TENM1: variants seen among roughly 807,000 people sequenced by gnomAD.
The protein encoded by TENM1 is teneurin transmembrane protein 1, also known as teneurin-1.
In TENM1, 35 loss-of-function variants were observed where a neutral mutation model predicts 174.8. The ratio of observed to expected loss-of-function variants is 0.20; its 90% CI spans 0.15 to 0.27. TENM1 has a LOEUF of 0.27. TENM1 is among the 10% of genes least tolerant of loss of function. The probability of loss-of-function intolerance (pLI) is 1.00; values close to 1 mark genes in which losing one functional copy is unlikely to be tolerated. For synonymous variants in TENM1, 781 were observed against 798.7 expected (o/e 0.98, Z 0.37); for missense variants, 1,633 against 2,130.1 (o/e 0.77, Z 4.59).
At chrX:124,380,244 A>G (rs2060141458) in exon 32 of TENM1, 1 of 241,657 alleles carries the variant, frequency 4.1e-6, no homozygotes, top group Admixed American at 6.4e-5. Context: ...GAACATATGC[A>G]TGGCTCGGCA....
At chrX:124,894,762 T>C (rs1336379565) in intron 2 of TENM1, among the ~76,000 whole-genome samples, 3 of 111,564 alleles carry the variant, frequency 2.7e-5, no homozygotes, top group African/African-American at 9.8e-5. Flanking sequence ...ATTTTGATCA[T>C]TGTTTTTCCC....
chrX:125,021,703 G>T, the TENM1 span, among the ~76,000 whole-genome samples: 4 of 112,152 alleles, frequency 3.6e-5, no homozygotes, highest in Non-Finnish European at 5.6e-5. Flanking sequence ...GTAAATGAAC[G>T]AATGAATGTG....
chrX:124,441,130 G>T lies in TENM1; in HGVS notation c.4104+12207C>A, dbSNP rs774290402. 2.7e-5 allele frequency among the ~76,000 whole-genome samples: 3 copies of T among 111,979 alleles called. No individual in the cohort carries two copies. In the South Asian group the frequency reaches 1.1e-3, roughly 42 times the overall value. On this transcript the variant is annotated intron_variant, in intron 23 of 31. Transcript: ENST00000422452. ...TTTTATCCCACTTTTTATTGGTGGA[G>T]AAACTCAGGCTCAGAGATCTTAATT...
intron 3 of TENM1, among the ~76,000 whole-genome samples, chrX:124,824,756 C>G (rs1364939998): frequency 9.0e-6 from 1 of 111,692 alleles, no homozygotes; most frequent in Middle Eastern, 4.2e-3. Context: ...CTTACCATGT[C>G]CAGATAAAAT....
At chrX:125,027,545 C>T in the TENM1 span, among the ~76,000 whole-genome samples, 2,184 of 108,257 alleles carry the variant, frequency 0.02, 66 homozygotes, top group African/African-American at 0.068. Flanking sequence ...AAGCCCAAGT[C>T]AAAAGTTTGG....
intron 3 of TENM1, among the ~76,000 whole-genome samples, chrX:124,887,722 G>A (rs1365796604): frequency 9.0e-6 from 1 of 111,215 alleles, no homozygotes; most frequent in East Asian, 2.8e-4. Flanking sequence ...CACTTCCTCT[G>A]ATAGTGTAAC....
the TENM1 span, among the ~76,000 whole-genome samples, chrX:125,097,188 T>C: frequency 2.7e-5 from 3 of 111,810 alleles, no homozygotes; most frequent in Non-Finnish European, 3.8e-5. Flanking sequence ...TACTGAGTGA[T>C]GGTTGTGACC....
At chrX:125,078,259 T>G in the TENM1 span, among the ~76,000 whole-genome samples, 1 of 111,909 alleles carries the variant, frequency 8.9e-6, no homozygotes, top group Non-Finnish European at 1.9e-5. Flanking sequence ...ACATGGTTAC[T>G]GAAAAGTAGA....
At chrX:124,761,297 T>G (rs1173855239) in intron 3 of TENM1, among the ~76,000 whole-genome samples, 1 of 110,349 alleles carries the variant, frequency 9.1e-6, no homozygotes, top group Non-Finnish European at 1.9e-5. Flanking sequence ...CCAACCCAAA[T>G]GTCCATCAAT....
chrX:125,112,900 A>C, the TENM1 span, among the ~76,000 whole-genome samples: 1 of 111,079 alleles, frequency 9.0e-6, no homozygotes, highest in East Asian at 2.8e-4. Context: ...ATGAATTCTA[A>C]GCAAACCCAG....
chrX:124,911,730 A>G (rs1005219143), intron 1 of TENM1, among the ~76,000 whole-genome samples: 4 of 111,671 alleles, frequency 3.6e-5, no homozygotes, highest in Non-Finnish European at 7.5e-5. Flanking sequence ...GCCAGTTTGT[A>G]AAGGGCCTTA....
chrX:124,683,456 A>T (rs1215541894), intron 5 of TENM1, among the ~76,000 whole-genome samples: 2 of 112,163 alleles, frequency 1.8e-5, no homozygotes, highest in Admixed American at 1.9e-4. Context: ...TTACTTTTGC[A>T]TAGGGAAAAA....
At chrX:124,424,146 A>G (rs1325291237) in intron 23 of TENM1, among the ~76,000 whole-genome samples, 1 of 112,550 alleles carries the variant, frequency 8.9e-6, no homozygotes. Context: ...CTGTTGTTTA[A>G]GCCATTCAGT....
At chrX:124,483,761 G>A (rs910580338) in intron 21 of TENM1, among the ~76,000 whole-genome samples, 16 of 111,935 alleles carry the variant, frequency 1.4e-4, no homozygotes. Flanking sequence ...CTTTCTTTAT[G>A]AAACTCACAG....
the TENM1 span, among the ~76,000 whole-genome samples, chrX:125,007,098 T>C: frequency 9.0e-6 from 1 of 111,466 alleles, no homozygotes; most frequent in Non-Finnish European, 1.9e-5. Context: ...AGGAGAATGT[T>C]CTAACCCAAT....
At chrX:124,571,452 A>T (rs1307889876) in intron 11 of TENM1, among the ~76,000 whole-genome samples, 4 of 111,677 alleles carry the variant, frequency 3.6e-5, no homozygotes, top group African/African-American at 9.7e-5. Flanking sequence ...AGGACTACAT[A>T]TAAGTAGATG....
chrX:124,570,402 A>G (rs1253650848), intron 11 of TENM1, among the ~76,000 whole-genome samples: 1 of 111,468 alleles, frequency 9.0e-6, no homozygotes, highest in East Asian at 2.8e-4. Flanking sequence ...TTTAAAAAAT[A>G]TATGACAGTC....
chrX:125,085,576 T>C, the TENM1 span, among the ~76,000 whole-genome samples: 2 of 111,528 alleles, frequency 1.8e-5, no homozygotes. Context: ...CTTAATTTAT[T>C]TCTAATATTT....
At chrX:124,881,563 G>C in intron 3 of TENM1, among the ~76,000 whole-genome samples, 1 of 110,419 alleles carries the variant, frequency 9.1e-6, no homozygotes, top group Non-Finnish European at 1.9e-5. Flanking sequence ...CTACTAATTT[G>C]GGGTTTAGTA....
Sources: gnomAD v4.1 joint callset for allele counts (sites outside exome capture counted in the v4.1 genomes callset) on GRCh38, gnomAD v4.1.1 for gene constraint, MANE v1.5 for transcripts, NCBI Gene and HGNC (gene_info 2026-07-23, HGNC 2026-07-21) for gene names.